The following PPP2R5C variants were observed in gnomAD, a reference collection of about 807,000 sequenced individuals.
PPP2R5C encodes protein phosphatase 2 regulatory subunit B'gamma, also known as serine/threonine-protein phosphatase 2A 56 kDa regulatory subunit gamma isoform.
Under a neutral mutation model 68.9 loss-of-function variants are expected in PPP2R5C, and 7 were observed. That is an observed-to-expected ratio of 0.10 (90% CI 0.06 to 0.19). PPP2R5C has a LOEUF of 0.19. Among genes scored for constraint, PPP2R5C ranks in the 10% least tolerant of loss-of-function variants. The pLI is 1.00. For missense variants in PPP2R5C, 348 were observed against 641.3 expected, an observed-to-expected ratio of 0.54 and a Z score of 4.94; for synonymous variants, 210 against 222.2, an observed-to-expected ratio of 0.95 and a Z score of 0.49.
At chr14:101,837,788 C>CATTATACATAATAAT (rs1266173399) in intron 1 of PPP2R5C, among the ~76,000 whole-genome samples, 1 of 152,158 alleles carries the variant, frequency 6.6e-6, no homozygotes, top group Non-Finnish European at 1.5e-5. Flanking sequence ...CTATTCTAAG[C>CATTATACATAATAAT]ATGTACATTT....
intron 5 of PPP2R5C, among the ~76,000 whole-genome samples, chr14:101,885,373 C>T (rs1293343712): frequency 6.7e-6 from 1 of 150,082 alleles, no homozygotes. Flanking sequence ...TTTCCGTCTG[C>T]AGTCATTAGG....
intron 13 of PPP2R5C, 27 bp from the exon 16 acceptor site, chr14:101,925,114 C>G: frequency 2.5e-6 from 4 of 1,612,348 alleles, no homozygotes; most frequent in Non-Finnish European, 1.7e-6. Context: ...TAGTTTGTAG[C>G]CAACGCCATT....
At position 101,888,596 on chromosome 14, in the gene PPP2R5C, T is replaced by C. The variant is rs2044667697; in HGVS notation, c.630-1641T>C. Among the ~76,000 whole-genome samples, 1 of 151,866 alleles carries C rather than the reference T, an allele frequency of 6.6e-6. No individual in the cohort carries two copies. The highest frequency in any genetic ancestry group is 1.9e-4 in the East Asian group (1 of 5,166). On this transcript the variant is annotated intron_variant, in intron 5 of 13. Coordinates refer to ENST00000334743, the Ensembl canonical transcript of PPP2R5C. This position sits in a 1 kb window ranked among gnomAD's most constrained non-coding sequence, Gnocchi z 5.6. ...TCTGTTGTGTTGTTTTGTTTTGTTT[T>C]GTTTTGTTTTTTGTTTTGAAACAGG...
chr14:101,777,449 A>G (rs2037482158), intron 2 of PPP2R5C, among the ~76,000 whole-genome samples: 1 of 151,954 alleles, frequency 6.6e-6, no homozygotes, highest in Non-Finnish European at 1.5e-5. Flanking sequence ...TCCTGGGTTC[A>G]AGCGATTCTC....
intron 5 of PPP2R5C, among the ~76,000 whole-genome samples, chr14:101,885,040 C>G (rs932095010): frequency 1.3e-5 from 2 of 152,168 alleles, no homozygotes; most frequent in Non-Finnish European, 2.9e-5. Context: ...CAGGATGTTG[C>G]GAGGTAGTGA....
rs115414468 is a variant in PPP2R5C at position 101,851,823 on chromosome 14, A to G, written c.95-4863A>G. Among the ~76,000 whole-genome samples, 550 of 151,860 alleles carry G rather than the reference A, an allele frequency of 3.6e-3. 4 individuals carry two copies. The highest frequency in any genetic ancestry group is 0.012 in the African/African-American group (514 of 41,422). Reference sequence around the variant, plus strand: ...ATGTGGGCTTGGCTTCTTTTTTTCAATCAGTTTCCTATCCACAGTTTACAT... The same window carrying G: ...ATGTGGGCTTGGCTTCTTTTTTTCAGTCAGTTTCCTATCCACAGTTTACAT... On this transcript the variant is annotated intron_variant, in intron 1 of 13. Coordinates refer to ENST00000334743, the Ensembl canonical transcript of PPP2R5C.
At chr14:101,924,515 T>C (rs1479434784) in intron 13 of PPP2R5C, among the ~76,000 whole-genome samples, 1 of 147,318 alleles carries the variant, frequency 6.8e-6, no homozygotes, top group East Asian at 2.0e-4. Context: ...CAATCTCGGC[T>C]CACTGCAACC....
chr14:101,791,826 G>T (rs1037915106), intron 3 of PPP2R5C, among the ~76,000 whole-genome samples: 4 of 151,982 alleles, frequency 2.6e-5, no homozygotes, highest in African/African-American at 9.7e-5. Context: ...GCCTGCGTCA[G>T]GTCACACTAG....
At chr14:101,772,490 T>C (rs985149025) in intron 2 of PPP2R5C, among the ~76,000 whole-genome samples, 2 of 152,170 alleles carry the variant, frequency 1.3e-5, no homozygotes, top group Non-Finnish European at 2.9e-5. Flanking sequence ...AAATTTATTT[T>C]GGGTTAAAAA....
At chr14:101,824,299 T>C (rs1231940600) in intron 1 of PPP2R5C, 3 of 811,332 alleles carry the variant, frequency 3.7e-6, no homozygotes, top group Non-Finnish European at 3.3e-6. Context: ...GAGAGAGGTA[T>C]TCATCTGAAA....
At chr14:101,830,546 C>T (rs753073664) in intron 1 of PPP2R5C, among the ~76,000 whole-genome samples, 3 of 152,208 alleles carry the variant, frequency 2.0e-5, no homozygotes, top group Non-Finnish European at 4.4e-5. Flanking sequence ...AGCAGGTCCA[C>T]AGCCTGCACC....
At chr14:101,838,388 TG>T (rs1421966109) in intron 1 of PPP2R5C, among the ~76,000 whole-genome samples, 1 of 152,258 alleles carries the variant, frequency 6.6e-6, no homozygotes, top group African/African-American at 2.4e-5. Context: ...GTAGTTTGTT[TG>T]CTTATTTGTT....
intron 3 of PPP2R5C, among the ~76,000 whole-genome samples, chr14:101,792,736 G>A (rs1175254909): frequency 6.6e-6 from 1 of 151,668 alleles, no homozygotes; most frequent in African/African-American, 2.4e-5. Context: ...TGCCCTTTAG[G>A]GTAGCTCGTG....
rs1040714478 is a variant in PPP2R5C at position 101,849,305 on chromosome 14, C to T, written c.95-7381C>T. 2.6e-5 allele frequency among the ~76,000 whole-genome samples: 4 copies of T among 152,178 alleles called. No homozygotes were observed. In the East Asian group the frequency reaches 7.7e-4, roughly 29 times the overall value. On this transcript the variant is annotated intron_variant, in intron 1 of 13. Transcript: ENST00000334743. ...GGCTGTCAACCTCGTGTATCCTCAA[C>T]ACCACTGATAATGCACTGCCCCGCC...
intron 1 of PPP2R5C, among the ~76,000 whole-genome samples, chr14:101,852,475 T>C (rs1162445004): frequency 6.8e-6 from 1 of 147,436 alleles, no homozygotes; most frequent in Non-Finnish European, 1.5e-5. Context: ...TTTTCTTTTT[T>C]TTTTTTTTTT....
chr14:101,831,554 C>T (rs990251543), intron 1 of PPP2R5C: 3 of 477,624 alleles, frequency 6.3e-6, no homozygotes, highest in South Asian at 4.0e-5. Context: ...AGATGCTTAT[C>T]ATCCTGTCTG....
intron 1 of PPP2R5C, among the ~76,000 whole-genome samples, chr14:101,827,837 C>G (rs1391455956): frequency 4.6e-5 from 7 of 152,296 alleles, no homozygotes; most frequent in African/African-American, 1.4e-4. Context: ...TTCCATTAAG[C>G]TAAATTTATT....
At chr14:101,905,848 T>C (rs1417013167) in intron 9 of PPP2R5C, among the ~76,000 whole-genome samples, 1 of 152,052 alleles carries the variant, frequency 6.6e-6, no homozygotes, top group Non-Finnish European at 1.5e-5. Context: ...TGCTCAGATG[T>C]CACCTCCTCC....
chr14:101,836,563 T>C (rs1329389735), intron 1 of PPP2R5C: 3 of 559,386 alleles, frequency 5.4e-6, no homozygotes, highest in Non-Finnish European at 9.6e-6. Context: ...ATATAATATC[T>C]CTACTTTAAA....
Sources: gnomAD v4.1 joint callset for allele counts (sites outside exome capture counted in the v4.1 genomes callset) on GRCh38, gnomAD v4.1.1 for gene constraint, Gnocchi (gnomAD v3.1) non-coding constraint, MANE v1.5 for transcripts, NCBI Gene and HGNC (gene_info 2026-07-23, HGNC 2026-07-21) for gene names.